DLC1: variants seen among roughly 807,000 people sequenced by gnomAD.
DLC1 encodes rho GTPase-activating protein 7.
In DLC1, 54 loss-of-function variants were observed where a neutral mutation model predicts 140.3. The observed-to-expected ratio is 0.38, with a 90% CI of 0.31 to 0.48. The LOEUF (loss-of-function observed/expected upper bound fraction) is 0.48. Among genes scored for constraint, DLC1 ranks in the 20% least tolerant of loss-of-function variants. The pLI is 0.96. For missense variants in DLC1, 2,536 were observed against 1,907.0 expected (o/e 1.33, Z -6.14); for synonymous variants, 986 against 728.1 (o/e 1.35, Z -5.70).
chr8:13,112,682 G>A (rs1339048485), intron 6 of DLC1, among the ~76,000 whole-genome samples: 3 of 152,190 alleles, frequency 2.0e-5, no homozygotes, highest in Non-Finnish European at 4.4e-5. Context: ...TTTGAAGGTT[G>A]TGACACTGTA....
upstream of DLC1, among the ~76,000 whole-genome samples, chr8:13,517,964 A>G (rs1218403958): frequency 6.6e-6 from 1 of 152,138 alleles, no homozygotes; most frequent in African/African-American, 2.4e-5. Context: ...TATTTTTAGA[A>G]TCTTTCTCTC....
chr8:13,365,461 T>C (rs1835435648), intron 4 of DLC1, among the ~76,000 whole-genome samples: 1 of 152,294 alleles, frequency 6.6e-6, no homozygotes, highest in Middle Eastern at 3.4e-3. Context: ...CAGGTGACCC[T>C]GTGCCTTTAT....
intron 4 of DLC1, among the ~76,000 whole-genome samples, chr8:13,336,014 T>C (rs896648592): frequency 5.9e-5 from 9 of 152,156 alleles, no homozygotes; most frequent in Non-Finnish European, 1.0e-4. Flanking sequence ...TTATATATTG[T>C]ACTGGAATTT....
intron 5 of DLC1, among the ~76,000 whole-genome samples, chr8:13,197,203 A>G (rs1406574611): frequency 2.0e-5 from 3 of 152,362 alleles, no homozygotes; most frequent in East Asian, 3.9e-4. Flanking sequence ...GAAATGTTCA[A>G]GAAATCTTAA....
chr8:13,339,847 C>T (rs1252319003), intron 4 of DLC1: 2 of 152,160 alleles, frequency 1.3e-5, no homozygotes, highest in East Asian at 3.9e-4. Context: ...TCATTTCTTT[C>T]TTCTTTCTTT....
chr8:13,387,962 T>A (rs1464576111), intron 4 of DLC1, among the ~76,000 whole-genome samples: 3 of 152,036 alleles, frequency 2.0e-5, no homozygotes, highest in Non-Finnish European at 4.4e-5. Flanking sequence ...ACTGATGGAG[T>A]TCTTGACAGT....
intron 2 of DLC1, among the ~76,000 whole-genome samples, chr8:13,432,783 G>C (rs1409139816): frequency 6.6e-6 from 1 of 152,096 alleles, no homozygotes; most frequent in East Asian, 1.9e-4. Flanking sequence ...AGAGTCACAT[G>C]AAGTCTACTC....
intron 5 of DLC1, among the ~76,000 whole-genome samples, chr8:13,188,843 ATTTTTTTTTTT>A (rs869162448): frequency 0.2 from 6,183 of 30,284 alleles, 191 homozygotes; most frequent in South Asian, 0.4. Flanking sequence ...ATATATATAT[ATTTTTTTTTTT>A]TTTTTTTTTT....
Position 13,212,117 on chromosome 8 carries a change from G to A in DLC1, c.1348+93152C>T, listed in dbSNP as rs140397764. Among the ~76,000 whole-genome samples, 1,375 of 152,260 alleles carry A rather than the reference G, an allele frequency of 9.0e-3. 24 individuals carry two copies. Among genetic ancestry groups the A allele is most frequent in the African/African-American group, 0.03 (1,265 of 41,538 alleles). The stretch of plus-strand genomic sequence containing the variant: ...TATGTTATAAATATGTAAACATTCC[G>A]TAGAGAATTTCTATGTTAAGAAATT... On this transcript the variant is annotated intron_variant, in intron 5 of 17. Coordinates refer to ENST00000276297, the MANE Select transcript of DLC1 (RefSeq NM_182643.3).
At chr8:13,332,100 T>C (rs1320681344) in intron 4 of DLC1, among the ~76,000 whole-genome samples, 1 of 152,224 alleles carries the variant, frequency 6.6e-6, no homozygotes, top group Non-Finnish European at 1.5e-5. Context: ...AAAACCTTGA[T>C]TGGACATGGA....
chr8:13,182,991 T>A (rs997775777), intron 5 of DLC1, among the ~76,000 whole-genome samples: 3 of 152,302 alleles, frequency 2.0e-5, no homozygotes, highest in Admixed American at 2.0e-4. Flanking sequence ...CTCTTTTATT[T>A]CGTTGAGCAG....
rs150004916 is a variant in DLC1 at position 13,376,776 on chromosome 8, G to A, written c.1314+16777C>T. Among the ~76,000 whole-genome samples, 323 of 152,292 alleles carry A rather than the reference G, an allele frequency of 2.1e-3. 2 individuals carry two copies. Among genetic ancestry groups the A allele is most frequent in the African/African-American group, 7.1e-3 (294 of 41,558 alleles). On this transcript the variant is annotated intron_variant, in intron 4 of 17. Transcript: ENST00000276297. Reference sequence around the variant, plus strand: ...ACCCACAGAGGAGTTAGAGGTGACTGAAGCAAGATCAGACGGCTCTTTTGA... The same window carrying A: ...ACCCACAGAGGAGTTAGAGGTGACTAAAGCAAGATCAGACGGCTCTTTTGA...
intron 5 of DLC1, among the ~76,000 whole-genome samples, chr8:13,164,078 C>T (rs1261773545): frequency 2.0e-5 from 3 of 152,058 alleles, no homozygotes; most frequent in African/African-American, 4.8e-5. Context: ...GGGCGGATCA[C>T]CTGAGGTCAG....
chr8:13,172,709 T>C (rs1305365405), intron 5 of DLC1, among the ~76,000 whole-genome samples: 1 of 152,216 alleles, frequency 6.6e-6, no homozygotes. Context: ...TGTTTCTGTT[T>C]CAGTATCAGA....
Position 13,084,545 on chromosome 8 carries a change from T to G in DLC1, c.*1266A>C, listed in dbSNP as rs1209125419. Reference sequence around the variant, plus strand: ...CTGGTTTGGGTTGGTTTTCTTCTTGTTGCGTTTTACTATGATTACTATTTT... The same window carrying G: ...CTGGTTTGGGTTGGTTTTCTTCTTGGTGCGTTTTACTATGATTACTATTTT... On this transcript the variant is annotated 3_prime_UTR_variant, in exon 18 of 18. Coordinates refer to ENST00000276297, the MANE Select transcript of DLC1 (RefSeq NM_182643.3). 1 of 152,128 alleles carries G rather than the reference T, an allele frequency of 6.6e-6. No individual in the cohort carries two copies. Among genetic ancestry groups the G allele is most frequent in the East Asian group, 1.9e-4 (1 of 5,190 alleles). The allele number at this position is 152,128 out of a possible 1,614,324, so 9.4% of individuals were successfully genotyped here.
chr8:13,233,697 T>A (rs531338387), intron 5 of DLC1, among the ~76,000 whole-genome samples: 1 of 152,340 alleles, frequency 6.6e-6, no homozygotes, highest in Non-Finnish European at 1.5e-5. Context: ...TTTAAACACA[T>A]GAATGAAAGT....
chr8:13,213,810 G>T (rs1391013546), intron 5 of DLC1, among the ~76,000 whole-genome samples: 1 of 151,658 alleles, frequency 6.6e-6, no homozygotes, highest in South Asian at 2.1e-4. Context: ...TGGAGACAGG[G>T]TCTCCCTCTG....
intron 5 of DLC1, among the ~76,000 whole-genome samples, chr8:13,274,263 C>G (rs77838053): frequency 5.3e-5 from 8 of 152,138 alleles, no homozygotes; most frequent in African/African-American, 1.4e-4. Flanking sequence ...ACTAACTGAG[C>G]TTCCAGCCAT....
chr8:13,601,525 A>G lies in DLC1; in HGVS notation c.-126+3012T>C, dbSNP rs562065744. Among the ~76,000 whole-genome samples, 4 of 151,942 alleles carry G rather than the reference A, an allele frequency of 2.6e-5. No individual in the cohort carries two copies. In the East Asian group the frequency reaches 7.7e-4, roughly 29 times the overall value. ...TTCTGGAAACATCATTGCTATCATA[A>G]CACTACTATTCATTGGAAAGCACTT... On this transcript the variant is annotated intron_variant, in intron 1 of 1. Transcript: ENST00000631382.
Sources: allele counts gnomAD v4.1 joint callset (sites outside exome capture counted in the v4.1 genomes callset), GRCh38; gene constraint gnomAD v4.1.1; transcripts MANE v1.5; gene names NCBI Gene and HGNC (gene_info 2026-07-23, HGNC 2026-07-21).